The following TMEM40 variants were observed in gnomAD, a reference collection of about 807,000 sequenced individuals.
TMEM40 encodes the protein transmembrane protein 40.
Under a neutral mutation model 40.8 loss-of-function variants are expected in TMEM40, and 34 were observed. The ratio of observed to expected loss-of-function variants is 0.83; its 90% CI spans 0.63 to 1.11. TMEM40 has a LOEUF of 1.11. TMEM40 is among the 50% of genes least tolerant of loss of function. TMEM40 has a pLI of 0.00. For missense variants in TMEM40, 296 were observed against 280.2 expected (o/e 1.06, Z -0.40); for synonymous variants, 106 against 107.0 (o/e 0.99, Z 0.06).
At chr3:12,768,825 C>T (rs113973777) in intron 1 of TMEM40, among the ~76,000 whole-genome samples, 4 of 151,114 alleles carry the variant, frequency 2.6e-5, no homozygotes, top group Non-Finnish European at 4.4e-5. Flanking sequence ...TCGATGGGAC[C>T]GGGCGCCGTG....
At chr3:12,755,233 C>CTCTCTCTCTCTT (rs1553634013) in intron 1 of TMEM40, among the ~76,000 whole-genome samples, 99 of 59,954 alleles carry the variant, frequency 1.7e-3, no homozygotes, top group Non-Finnish European at 2.3e-3. Context: ...CTCTCTCTCT[C>CTCTCTCTCTCTT]TCTTTCTTTC....
intron 1 of TMEM40, among the ~76,000 whole-genome samples, chr3:12,767,987 C>G (rs1303045578): frequency 6.6e-6 from 1 of 152,180 alleles, no homozygotes; most frequent in Non-Finnish European, 1.5e-5. Flanking sequence ...CCAGAGACCA[C>G]AGTGTGTCTG....
chr3:12,769,360 G>A (rs183850079), exon 1 of TMEM40: 30 of 244,814 alleles, frequency 1.2e-4, no homozygotes, highest in African/African-American at 6.3e-4. Flanking sequence ...AGTGGGCGCC[G>A]AGGCTGAGGA....
At position 12,748,655 on chromosome 3, in the gene TMEM40, C is replaced by G. The variant is rs778280857; in HGVS notation, c.211G>C (p.Glu71Gln). Residue 71 changes from glutamate to glutamine, a missense_variant and splice_region_variant, in exon 3 of 12, where the codon GAG (glutamate) becomes CAG (glutamine). Coordinates refer to ENST00000314124, the MANE Select transcript of TMEM40 (RefSeq NM_018306.4). ...SSSSSSSSSSESNDEDQQPRA... is the reference protein window; with the variant it reads ...SSSSSSSSSSQSNDEDQQPRA... ...ACATATATTTAAATCTCTGCTATAC[C>G]TGAGGAGGAGGAGGATGAAGAAGAT... The G allele has an allele frequency of 1.2e-6, 2 of 1,610,674 alleles. No individual in the cohort carries two copies. The highest frequency in any genetic ancestry group is 2.2e-5 in the South Asian group (2 of 90,876).
chr3:12,741,997 C>T (rs1216196415), intron 5 of TMEM40, among the ~76,000 whole-genome samples: 2 of 152,058 alleles, frequency 1.3e-5, no homozygotes, highest in African/African-American at 2.4e-5. Flanking sequence ...TTTGGGAGGC[C>T]GAGGCGGGCG....
At chr3:12,756,741 T>C (rs1207800190) in intron 1 of TMEM40, among the ~76,000 whole-genome samples, 1 of 151,984 alleles carries the variant, frequency 6.6e-6, no homozygotes, top group African/African-American at 2.4e-5. Context: ...TGTTTCTTTC[T>C]TTCCCATCTT....
At chr3:12,758,504 G>A (rs2061545926) in intron 1 of TMEM40, among the ~76,000 whole-genome samples, 1 of 152,166 alleles carries the variant, frequency 6.6e-6, no homozygotes, top group African/African-American at 2.4e-5. Context: ...GGTGGGGGGA[G>A]CTCTGAGAGG....
chr3:12,760,335 C>T (rs2061560596), upstream of TMEM40, among the ~76,000 whole-genome samples: 2 of 152,256 alleles, frequency 1.3e-5, no homozygotes, highest in Admixed American at 1.3e-4. Context: ...AACCCAAGGT[C>T]TTACAAGCCC....
At position 12,734,812 on chromosome 3, in the gene TMEM40, A is replaced by G; in HGVS notation, c.683-19T>C. ...CTGAACCCTGGAAGGCAAAGACCAC[A>G]GGATGGCATGGGATTCTGAAGGCAG... On this transcript the variant is annotated intron_variant, in intron 11 of 11. Transcript: ENST00000314124. 6.3e-7 allele frequency: 1 copy of G among 1,597,132 alleles called. No individual in the cohort carries two copies. Among genetic ancestry groups the G allele is most frequent in the Non-Finnish European group, 8.5e-7 (1 of 1,172,126 alleles).
At chr3:12,746,547 C>G (rs1029382678) in intron 3 of TMEM40, among the ~76,000 whole-genome samples, 1 of 152,086 alleles carries the variant, frequency 6.6e-6, no homozygotes, top group African/African-American at 2.4e-5. Context: ...GAGTGAGGGT[C>G]CTGCATGTGA....
At chr3:12,742,765 G>A (rs966266827) in intron 4 of TMEM40, among the ~76,000 whole-genome samples, 3 of 152,064 alleles carry the variant, frequency 2.0e-5, no homozygotes, top group African/African-American at 4.8e-5. Flanking sequence ...GGTTAATAGT[G>A]GGTATATACT....
Position 12,749,836 on chromosome 3 carries a change from T to C in TMEM40, c.-4A>G, listed in dbSNP as rs771747873. The C allele has an allele frequency of 2.5e-6, 4 of 1,613,300 alleles. No individual in the cohort carries two copies. The East Asian group carries it at 8.9e-5, about 36-fold the overall frequency. ...AGGAGGATGCTGAAGTCTCCATGGCTTTTCCTGGAGGAATAACAATAATCA... is the reference window on the plus strand; with the variant it reads ...AGGAGGATGCTGAAGTCTCCATGGCCTTTCCTGGAGGAATAACAATAATCA... On this transcript the variant is annotated 5_prime_UTR_variant, in exon 2 of 12. Coordinates refer to ENST00000314124, the MANE Select transcript of TMEM40 (RefSeq NM_018306.4).
chr3:12,747,186 CT>C (rs546380956), intron 3 of TMEM40, among the ~76,000 whole-genome samples: 3,926 of 140,942 alleles, frequency 0.028, 72 homozygotes, highest in Admixed American at 0.05. Context: ...AAGACCAGAG[CT>C]TTTTTTTTTT....
chr3:12,737,822 T>C, intron 7 of TMEM40, 68 bp from the exon 8 acceptor site: 1 of 1,474,164 alleles, frequency 6.8e-7, no homozygotes, highest in Non-Finnish European at 9.5e-7. Flanking sequence ...TTCTTTTCCC[T>C]GCCTCATTGA....
At chr3:12,745,892 CTTTTGCTTTTTCT>C (rs1193185818) in intron 3 of TMEM40, among the ~76,000 whole-genome samples, 112 of 150,436 alleles carry the variant, frequency 7.4e-4, no homozygotes, top group African/African-American at 2.6e-3. Flanking sequence ...TTTTCTTTTT[CTTTTGCTTTTTCT>C]TTTTTTTTTT....
At chr3:12,746,751 G>A (rs1006671752) in intron 3 of TMEM40, among the ~76,000 whole-genome samples, 5 of 152,152 alleles carry the variant, frequency 3.3e-5, no homozygotes, top group Admixed American at 6.5e-5. Flanking sequence ...TTCTCTTAGC[G>A]CTCCATTTGG....
chr3:12,752,781 C>A (rs935379847), intron 1 of TMEM40, among the ~76,000 whole-genome samples: 4 of 150,684 alleles, frequency 2.7e-5, no homozygotes, highest in Non-Finnish European at 5.9e-5. Flanking sequence ...CCAGCCTGGG[C>A]GACAGGGCAA....
At chr3:12,737,016 C>T (rs1452590735) in intron 8 of TMEM40, among the ~76,000 whole-genome samples, 181 bp from the exon 9 acceptor site, 1 of 152,036 alleles carries the variant, frequency 6.6e-6, no homozygotes, top group Non-Finnish European at 1.5e-5. Flanking sequence ...GCAGCAAGGC[C>T]TACAAGTGCA....
rs144529460 is a variant in TMEM40, at chr3:12,757,890, C to T, written c.-9+1301G>A. On this transcript the variant is annotated intron_variant, in intron 1 of 11. Transcript: ENST00000314124. Reference sequence around the variant, plus strand: ...CTAATTTTTGTATTTTTAGTAGAGACGGGGTTTTACCATGTTGGCCAGGCT... The same window carrying T: ...CTAATTTTTGTATTTTTAGTAGAGATGGGGTTTTACCATGTTGGCCAGGCT... 2.3e-3 allele frequency among the ~76,000 whole-genome samples: 345 copies of T among 152,068 alleles called. 2 individuals carry two copies. The highest frequency in any genetic ancestry group is 3.1e-3 in the Non-Finnish European group (212 of 67,976).
Sources: gnomAD v4.1 joint callset for allele counts (sites outside exome capture counted in the v4.1 genomes callset) on GRCh38, gnomAD v4.1.1 for gene constraint, MANE v1.5 for transcripts, NCBI Gene and HGNC (gene_info 2026-07-23, HGNC 2026-07-21) for gene names.